Variants in HPSE2 observed in about 807,000 individuals in gnomAD.
The protein encoded by HPSE2 is heparanase 2 (inactive).
A neutral mutation model predicts 60.5 loss-of-function variants in HPSE2; 38 were observed. The observed-to-expected ratio is 0.63, with a 90% CI of 0.48 to 0.82. HPSE2 has a LOEUF of 0.82. Among genes scored for constraint, HPSE2 ranks in the 40% least tolerant of loss-of-function variants. The pLI, the probability that HPSE2 is intolerant of heterozygous loss-of-function variation, is 0.00. For missense variants in HPSE2, 713 were observed against 740.4 expected, an observed-to-expected ratio of 0.96 and a Z score of 0.43; for synonymous variants, 295 against 293.2, an observed-to-expected ratio of 1.01 and a Z score of -0.06.
chr10:98,915,972 G>A (rs958759515), intron 3 of HPSE2, among the ~76,000 whole-genome samples: 7 of 152,108 alleles, frequency 4.6e-5, no homozygotes, highest in African/African-American at 1.7e-4. Flanking sequence ...TTTCCACATA[G>A]GATTCACAAC....
At chr10:99,102,958 C>A (rs914010974) in intron 3 of HPSE2, among the ~76,000 whole-genome samples, 5 of 152,086 alleles carry the variant, frequency 3.3e-5, no homozygotes, top group African/African-American at 9.7e-5. Flanking sequence ...ACTCTCAATA[C>A]ATTAGGTACT....
At chr10:99,186,733 T>TA (rs1191554210) in intron 2 of HPSE2, among the ~76,000 whole-genome samples, 1 of 152,028 alleles carries the variant, frequency 6.6e-6, no homozygotes, top group Non-Finnish European at 1.5e-5. Flanking sequence ...GCTTATTCTT[T>TA]AAAAAATATT....
intron 3 of HPSE2, among the ~76,000 whole-genome samples, chr10:99,132,219 GAGAGAGAGAGAGAGAGAGAGAGAGA>G: frequency 4.5e-5 from 1 of 22,080 alleles, no homozygotes; most frequent in African/African-American, 7.1e-5. Context: ...GAGAGAGAGA[GAGAGAGAGAGAGAGAGAGAGAGAGA>G]AAGAAAGAAA....
chr10:98,828,132 A>T (rs1183515994), intron 3 of HPSE2, among the ~76,000 whole-genome samples: 1 of 151,468 alleles, frequency 6.6e-6, no homozygotes, highest in Non-Finnish European at 1.5e-5. Flanking sequence ...ATATAAGCCA[A>T]TTCCTTAAAA....
At chr10:99,181,397 C>CAAAAAAAAAAAAAAAAAAA (rs58049545) in intron 2 of HPSE2, among the ~76,000 whole-genome samples, 2 of 104,766 alleles carry the variant, frequency 1.9e-5, no homozygotes, top group African/African-American at 1.1e-4. Context: ...GACTCCGTCT[C>CAAAAAAAAAAAAAAAAAAA]AAAAAAAAAA....
chr10:98,568,280 C>A (rs1161802920), intron 9 of HPSE2, among the ~76,000 whole-genome samples: 1 of 152,118 alleles, frequency 6.6e-6, no homozygotes, highest in Non-Finnish European at 1.5e-5. Flanking sequence ...AGTGTATGAT[C>A]CCGAGCAAGT....
chr10:98,697,424 T>C (rs976716607), intron 5 of HPSE2, among the ~76,000 whole-genome samples: 2 of 152,164 alleles, frequency 1.3e-5, no homozygotes, highest in Non-Finnish European at 2.9e-5. Context: ...GAAGACCATC[T>C]TGCTGAAATA....
chr10:98,979,672 G>C (rs1201932442), intron 3 of HPSE2, among the ~76,000 whole-genome samples: 2 of 152,138 alleles, frequency 1.3e-5, no homozygotes, highest in Non-Finnish European at 2.9e-5. Flanking sequence ...TCTCCTAGTA[G>C]CAATGGCTCT....
intron 9 of HPSE2, among the ~76,000 whole-genome samples, chr10:98,524,811 A>C (rs1328433678): frequency 6.6e-6 from 1 of 152,252 alleles, no homozygotes; most frequent in Non-Finnish European, 1.5e-5. Flanking sequence ...AATTTTGCAT[A>C]TAACAAATGC....
At chr10:98,780,254 A>G (rs1037109121) in intron 3 of HPSE2, among the ~76,000 whole-genome samples, 7 of 152,268 alleles carry the variant, frequency 4.6e-5, no homozygotes, top group African/African-American at 1.7e-4. Context: ...CTGATATAAA[A>G]ATGAAACCAT....
chr10:98,754,442 T>A (rs1258141538), intron 3 of HPSE2, among the ~76,000 whole-genome samples: 1 of 151,848 alleles, frequency 6.6e-6, no homozygotes, highest in Non-Finnish European at 1.5e-5. Context: ...TATTTGAGGA[T>A]TTTTTCCATG....
intron 9 of HPSE2, among the ~76,000 whole-genome samples, chr10:98,572,933 T>C (rs1944540189): frequency 6.6e-6 from 1 of 152,170 alleles, no homozygotes; most frequent in Admixed American, 6.5e-5. Context: ...CTAGGAGTGG[T>C]GGATGAGACA....
At chr10:98,960,081 C>T (rs1156567161) in intron 3 of HPSE2, among the ~76,000 whole-genome samples, 1 of 152,084 alleles carries the variant, frequency 6.6e-6, no homozygotes, top group Non-Finnish European at 1.5e-5. Context: ...TGTTGATTCA[C>T]CAAAATACTT....
rs1277979079 is a variant in HPSE2 at position 98,966,215 on chromosome 10, G to C, written c.610+178023C>G. Among the ~76,000 whole-genome samples, 3 of 152,156 alleles carry C rather than the reference G, an allele frequency of 2.0e-5. No individual in the cohort carries two copies. The East Asian group carries it at 5.8e-4, about 29-fold the overall frequency. On this transcript the variant is annotated intron_variant, in intron 3 of 11. Transcript: ENST00000370552. ...CAGAAAGCCCTCTTTGATGAGGACT[G>C]AGTTACACTGAGTTTTAAAGGATGA... is the stretch of plus-strand genomic sequence containing the variant.
At chr10:98,462,503 C>A (rs1940339041) in intron 11 of HPSE2, among the ~76,000 whole-genome samples, 1 of 152,132 alleles carries the variant, frequency 6.6e-6, no homozygotes, top group Admixed American at 6.6e-5. Flanking sequence ...TTTTTAATGT[C>A]ACTGTGGACA....
intron 3 of HPSE2, among the ~76,000 whole-genome samples, chr10:98,967,898 G>C (rs193191454): frequency 1.3e-5 from 2 of 152,156 alleles, no homozygotes; most frequent in East Asian, 3.9e-4. Context: ...TATCTGACCA[G>C]TAAAGACTGA....
intron 2 of HPSE2, among the ~76,000 whole-genome samples, chr10:99,225,560 T>C (rs1364520085): frequency 1.3e-5 from 2 of 152,118 alleles, no homozygotes; most frequent in South Asian, 2.1e-4. Flanking sequence ...AATAATTCAA[T>C]TTTAGGATCT....
At chr10:98,967,607 C>G (rs1397890984) in intron 3 of HPSE2, among the ~76,000 whole-genome samples, 3 of 152,128 alleles carry the variant, frequency 2.0e-5, no homozygotes, top group Non-Finnish European at 2.9e-5. Context: ...ACAAATAACT[C>G]AAACCAGCTG....
intron 3 of HPSE2, among the ~76,000 whole-genome samples, chr10:98,894,438 G>C (rs1365990837): frequency 1.3e-5 from 2 of 152,068 alleles, no homozygotes; most frequent in Non-Finnish European, 2.9e-5. Flanking sequence ...ACTTCCAGAA[G>C]TGAAAAATGT....
Sources: gnomAD v4.1 joint callset for allele counts (sites outside exome capture counted in the v4.1 genomes callset) on GRCh38, gnomAD v4.1.1 for gene constraint, MANE v1.5 for transcripts, NCBI Gene and HGNC (gene_info 2026-07-23, HGNC 2026-07-21) for gene names.